INO80: variants seen among roughly 807,000 people sequenced by gnomAD.
The protein encoded by INO80 is INO80 complex ATPase subunit.
INO80 carries 20 observed loss-of-function variants against 203.4 expected under a neutral mutation model. The ratio of observed to expected loss-of-function variants is 0.10; its 90% confidence interval spans 0.07 to 0.14. INO80 has a LOEUF of 0.14. Among genes scored for constraint, INO80 ranks in the 10% least tolerant of loss-of-function variants. INO80 has a pLI of 1.00. For synonymous variants in INO80, 726 were observed against 685.2 expected (o/e 1.06, Z -0.93); for missense variants, 1,419 against 1,914.4 (o/e 0.74, Z 4.83).
intron 14 of INO80, among the ~76,000 whole-genome samples, chr15:41,061,483 A>C (rs2045107314): frequency 6.8e-6 from 1 of 146,084 alleles, no homozygotes; most frequent in Non-Finnish European, 1.5e-5. Context: ...ATTAGCCAGG[A>C]GTGGTGGCAC....
intron 15 of INO80, 97 bp from the exon 16 acceptor site, chr15:41,058,878 G>T: frequency 8.7e-7 from 1 of 1,150,202 alleles, no homozygotes; most frequent in African/African-American, 1.5e-5. Context: ...AAATGTTTAA[G>T]ACAGCCCTGA....
intron 29 of INO80, among the ~76,000 whole-genome samples, chr15:40,991,767 G>C (rs959552808): frequency 6.6e-6 from 1 of 151,826 alleles, no homozygotes. Flanking sequence ...ATTTAAAACA[G>C]GAAAATTTCT....
intron 5 of INO80, 73 bp from the exon 6 acceptor site, chr15:41,087,755 CTA>C: frequency 6.7e-7 from 1 of 1,487,164 alleles, no homozygotes; most frequent in Non-Finnish European, 9.0e-7. Context: ...CTACAGAAAA[CTA>C]AGCCAGAGGA....
chr15:41,094,223 CG>C (rs1436630413), intron 4 of INO80, among the ~76,000 whole-genome samples: 1 of 152,188 alleles, frequency 6.6e-6, no homozygotes, highest in Admixed American at 6.6e-5. Context: ...CAGTAAAACA[CG>C]AACTCCTTAA....
chr15:41,073,578 C>G, intron 10 of INO80, 83 bp from the exon 11 acceptor site: 2 of 1,068,008 alleles, frequency 1.9e-6, no homozygotes, highest in South Asian at 2.5e-5. Context: ...TATGTGGATC[C>G]CTGATTCCCT....
intron 24 of INO80, among the ~76,000 whole-genome samples, chr15:41,039,300 T>C (rs2044632143): frequency 6.6e-6 from 1 of 152,230 alleles, no homozygotes; most frequent in Non-Finnish European, 1.5e-5. Context: ...TTAACAATAC[T>C]ATTTCTATAA....
At chr15:41,005,543 C>A in intron 28 of INO80, 50 bp downstream of exon 28, 1 of 911,376 alleles carries the variant, frequency 1.1e-6, no homozygotes, top group Non-Finnish European at 1.7e-6. Context: ...CCATTTCAAG[C>A]ACTAGAGGGA....
intron 23 of INO80, among the ~76,000 whole-genome samples, chr15:41,045,445 G>A (rs907795821): frequency 2.0e-5 from 3 of 151,948 alleles, no homozygotes; most frequent in African/African-American, 7.3e-5. Flanking sequence ...AAAAGGGCGT[G>A]GTGTCAGGCA....
In INO80 at chr15:41,085,384, T is replaced by C; in HGVS notation, c.858A>G (p.Lys286=). ...RRRKVWLSIV[K]KELPKANKQK... is the part of the protein sequence containing the mutation. ...ATTCACTTACCTTTGGTAGTTCCTT[T>C]TTCACAATGCTGAGCCATACTTTCC... Residue 286 remains lysine (K), a synonymous_variant, in exon 7 of 36, where the codon AAA becomes AAG. Coordinates refer to ENST00000648947, the MANE Select transcript of INO80 (RefSeq NM_017553.3). The C allele has an allele frequency of 6.2e-7, 1 of 1,614,156 alleles. No individual in the cohort carries two copies. Among genetic ancestry groups the C allele is most frequent in the Non-Finnish European group, 8.5e-7 (1 of 1,180,010 alleles).
chr15:40,984,005 G>C, intron 33 of INO80, 84 bp from the exon 34 acceptor site: 1 of 1,508,314 alleles, frequency 6.6e-7, no homozygotes, highest in Non-Finnish European at 9.1e-7. Context: ...ATGCTTCACA[G>C]TTGAGGCTGC....
chr15:41,106,825 G>T (rs955173725), intron 1 of INO80, among the ~76,000 whole-genome samples: 1 of 152,160 alleles, frequency 6.6e-6, no homozygotes, highest in African/African-American at 2.4e-5. Flanking sequence ...TTACCACAAA[G>T]ATTATTCTAG....
At chr15:41,076,518 G>A (rs556680945) in intron 9 of INO80, among the ~76,000 whole-genome samples, 1 of 150,780 alleles carries the variant, frequency 6.6e-6, no homozygotes, top group Admixed American at 6.6e-5. Flanking sequence ...CTTTCAGGTG[G>A]ACTGCTTGAT....
chr15:41,009,027 T>TCA (rs2044093633), intron 27 of INO80, among the ~76,000 whole-genome samples: 1 of 152,134 alleles, frequency 6.6e-6, no homozygotes, highest in South Asian at 2.1e-4. Context: ...AGATGGGGTT[T>TCA]CACCATGTTG....
In INO80 at chr15:40,982,959, G is replaced by A. The variant is rs1893886627; in HGVS notation, c.4356C>T (p.Ser1452=). Residue 1452 remains serine, a synonymous_variant, in exon 35 of 36, where the codon TCC becomes TCT. Coordinates refer to ENST00000648947, the MANE Select transcript of INO80 (RefSeq NM_017553.3). ...CCATTGCAGCAGCACTGCCTGCCGT[G>A]GACTTTCGGCTCCGGCCCTTCCCTG... ...KGAGKGRSRK[S]TAGSAAAMAG... 2.5e-6 allele frequency: 4 copies of A among 1,614,058 alleles called. No homozygotes were observed. Among genetic ancestry groups the A allele is most frequent in the Admixed American group, 1.7e-5 (1 of 60,006 alleles).
At chr15:41,103,512 C>G (rs944349319) in intron 1 of INO80, among the ~76,000 whole-genome samples, 6 of 152,188 alleles carry the variant, frequency 3.9e-5, no homozygotes, top group Non-Finnish European at 8.8e-5. Flanking sequence ...GCCTCAGCCT[C>G]CCAGGTAGCT....
chr15:41,014,507 T>C (rs1272646717), intron 27 of INO80, among the ~76,000 whole-genome samples: 2 of 152,206 alleles, frequency 1.3e-5, no homozygotes, highest in African/African-American at 4.8e-5. Context: ...TGTTAGGATA[T>C]TTAACATAGT....
At chr15:41,031,162 A>G (rs76071457) in intron 24 of INO80, among the ~76,000 whole-genome samples, 10,155 of 152,110 alleles carry the variant, frequency 0.067, 460 homozygotes, top group East Asian at 0.22. Flanking sequence ...ACTTTTCTAG[A>G]TTCTTTTCTC....
In INO80 at chr15:41,012,561, TAAAAA is replaced by T. The variant is rs71104767; in HGVS notation, c.3402+3522_3402+3526del. ...CTGGGTGACAGAGCGAGACTCTTTT[TAAAAA>T]AAAAAAAAAAAGATCCTATAGGCGA... On this transcript the variant is annotated intron_variant, in intron 27 of 35. Transcript: ENST00000648947. Among the ~76,000 whole-genome samples, 396 of 90,858 alleles carry T rather than the reference TAAAAA, an allele frequency of 4.4e-3. 3 individuals are homozygous for T. Among genetic ancestry groups the T allele is most frequent in the South Asian group, 0.028 (61 of 2,210 alleles). 59.6% of individuals were successfully genotyped at this position (90,858 alleles called of 152,430 possible). A position where few individuals can be genotyped will look rare whatever the true frequency, so the allele number is the denominator to read the frequency against.
intron 24 of INO80, among the ~76,000 whole-genome samples, chr15:41,037,635 T>C (rs2140503577): frequency 6.6e-6 from 1 of 152,292 alleles, no homozygotes; most frequent in South Asian, 2.1e-4. Flanking sequence ...CACAAGAGTT[T>C]TTCATCCTAT....
Sources: gnomAD v4.1 joint callset for allele counts (sites outside exome capture counted in the v4.1 genomes callset) on GRCh38, gnomAD v4.1.1 for gene constraint, MANE v1.5 for transcripts, NCBI Gene and HGNC (gene_info 2026-07-23, HGNC 2026-07-21) for gene names.